Variants in NRXN3 observed in about 807,000 individuals in gnomAD.
The protein encoded by NRXN3 is neurexin III.
Under a neutral mutation model 137.6 loss-of-function variants are expected in NRXN3, and 32 were observed. The observed-to-expected ratio is 0.23, with a 90% CI of 0.18 to 0.31. The LOEUF (loss-of-function observed/expected upper bound fraction) is 0.31, where lower values mean the gene tolerates loss of function less well. NRXN3 is among the 10% of genes least tolerant of loss of function. NRXN3 has a pLI of 1.00. For missense variants in NRXN3, 1,574 were observed against 2,062.5 expected, an observed-to-expected ratio of 0.76 and a Z score of 4.59; for synonymous variants, 798 against 784.5, an observed-to-expected ratio of 1.02 and a Z score of -0.29.
At chr14:78,438,082 T>G (rs1458423237) in intron 4 of NRXN3, among the ~76,000 whole-genome samples, 1 of 152,104 alleles carries the variant, frequency 6.6e-6, no homozygotes, top group Non-Finnish European at 1.5e-5. Context: ...GGACAGATTC[T>G]TTGGATGTTT....
At chr14:78,678,205 A>G (rs905374827) in intron 6 of NRXN3, among the ~76,000 whole-genome samples, 4 of 152,134 alleles carry the variant, frequency 2.6e-5, no homozygotes, top group Admixed American at 6.5e-5. Context: ...AAATGGTATC[A>G]TACTGTGCAT....
rs143780927 is a variant in NRXN3 at position 79,736,648 on chromosome 14, C to T, written c.4014+38711C>T. The stretch of plus-strand genomic sequence containing the variant: ...AGAAAGTGGGACCAGGGGGCCATCG[C>T]GAGTGTGGAGGCTGTGAAGGCCCCA... On this transcript the variant is annotated intron_variant, in intron 19 of 20. Coordinates refer to ENST00000335750, the MANE Select transcript of NRXN3 (RefSeq NM_001330195.2). Among the ~76,000 whole-genome samples the T allele has an allele frequency of 1.4e-3, 212 of 152,230 alleles. 1 individual carries two copies. Among genetic ancestry groups the T allele is most frequent in the African/African-American group, 4.8e-3 (201 of 41,558 alleles).
intron 4 of NRXN3, among the ~76,000 whole-genome samples, chr14:78,419,742 A>G (rs1001542858): frequency 2.0e-5 from 3 of 152,142 alleles, no homozygotes; most frequent in African/African-American, 7.2e-5. Context: ...AACAAAGGGA[A>G]TAGTTCTAGA....
chr14:79,446,473 T>C (rs544753306), intron 15 of NRXN3, among the ~76,000 whole-genome samples: 4 of 152,322 alleles, frequency 2.6e-5, no homozygotes, highest in Admixed American at 2.6e-4. Context: ...GTTCTATGTA[T>C]TCATTCTTTT....
intron 10 of NRXN3, among the ~76,000 whole-genome samples, chr14:78,876,752 A>G (rs1596811248): frequency 6.6e-6 from 1 of 152,202 alleles, no homozygotes; most frequent in East Asian, 1.9e-4. Context: ...TCATATGTAC[A>G]GATAGGTTCC....
At chr14:78,547,200 CT>C (rs1211307891) in intron 4 of NRXN3, among the ~76,000 whole-genome samples, 9 of 125,624 alleles carry the variant, frequency 7.2e-5, no homozygotes, top group Non-Finnish European at 6.7e-5. Flanking sequence ...TGTCATTGCT[CT>C]TTTTTTTTCA....
intron 1 of NRXN3, among the ~76,000 whole-genome samples, chr14:78,199,750 C>T (rs2061517231): frequency 6.6e-6 from 1 of 152,180 alleles, no homozygotes; most frequent in Non-Finnish European, 1.5e-5. Flanking sequence ...AACCAGTCTC[C>T]CAGGAGGTTT....
chr14:79,502,423 A>C (rs2096834298), intron 16 of NRXN3, among the ~76,000 whole-genome samples: 1 of 152,064 alleles, frequency 6.6e-6, no homozygotes, highest in South Asian at 2.1e-4. Context: ...GGTTCTGAGA[A>C]TAGTTAACAG....
At chr14:79,835,897 G>A (rs1453332410) in intron 20 of NRXN3, among the ~76,000 whole-genome samples, 1 of 152,098 alleles carries the variant, frequency 6.6e-6, no homozygotes, top group East Asian at 1.9e-4. Context: ...GTGACAGCAG[G>A]GGAACAGCAC....
intron 4 of NRXN3, among the ~76,000 whole-genome samples, chr14:78,596,433 C>G (rs1471486203): frequency 6.6e-6 from 1 of 152,168 alleles, no homozygotes; most frequent in South Asian, 2.1e-4. Context: ...GCTTCCCCAT[C>G]TGTAAAATGG....
intron 4 of NRXN3, among the ~76,000 whole-genome samples, chr14:78,521,595 G>A (rs545997644): frequency 2.6e-5 from 4 of 152,168 alleles, no homozygotes; most frequent in African/African-American, 9.6e-5. Flanking sequence ...TAATTATTTT[G>A]GGGGATGGAT....
At chr14:79,849,623 G>A (rs1468831694) in intron 20 of NRXN3, among the ~76,000 whole-genome samples, 1 of 152,194 alleles carries the variant, frequency 6.6e-6, no homozygotes, top group Non-Finnish European at 1.5e-5. Context: ...CGATGAGAGT[G>A]TGGAGAAAAG....
intron 4 of NRXN3, among the ~76,000 whole-genome samples, chr14:78,470,137 T>C (rs1304087802): frequency 6.6e-6 from 1 of 152,214 alleles, no homozygotes; most frequent in Admixed American, 6.5e-5. Context: ...GCCTCATCTA[T>C]TTTGGAGAAA....
intron 4 of NRXN3, among the ~76,000 whole-genome samples, chr14:78,565,123 T>C (rs542454858): frequency 1.3e-5 from 2 of 152,228 alleles, no homozygotes; most frequent in African/African-American, 2.4e-5. Context: ...GATTCTAAGA[T>C]AGTTCCTTGA....
chr14:78,832,186 G>T (rs1596320244), intron 10 of NRXN3, among the ~76,000 whole-genome samples: 1 of 152,038 alleles, frequency 6.6e-6, no homozygotes, highest in Non-Finnish European at 1.5e-5. Context: ...AATCAAAAAT[G>T]GTTGTCAAGT....
intron 15 of NRXN3, among the ~76,000 whole-genome samples, chr14:79,412,782 CAAAAAAAAA>C (rs71103803): frequency 3.0e-4 from 18 of 59,738 alleles, no homozygotes; most frequent in Non-Finnish European, 4.4e-4. Flanking sequence ...GACTCTGTCT[CAAAAAAAAA>C]AAAAAAAAAA....
intron 15 of NRXN3, among the ~76,000 whole-genome samples, chr14:79,119,684 C>T (rs530555635): frequency 1.3e-5 from 2 of 152,254 alleles, no homozygotes; most frequent in South Asian, 4.1e-4. Flanking sequence ...CCCCATTTCA[C>T]TAGGTTATTA....
intron 10 of NRXN3, among the ~76,000 whole-genome samples, chr14:78,817,368 A>G (rs1386967318): frequency 6.6e-6 from 1 of 152,214 alleles, no homozygotes; most frequent in African/African-American, 2.4e-5. Context: ...AGTGGTTTCC[A>G]AAAGAGAGTA....
intron 10 of NRXN3, among the ~76,000 whole-genome samples, chr14:78,849,995 G>A (rs1283561130): frequency 6.6e-6 from 1 of 152,168 alleles, no homozygotes; most frequent in African/African-American, 2.4e-5. Context: ...CACATATGGA[G>A]AAGGGATATA....
Sources: gnomAD v4.1 joint callset for allele counts (sites outside exome capture counted in the v4.1 genomes callset) on GRCh38, gnomAD v4.1.1 for gene constraint, MANE v1.5 for transcripts, NCBI Gene and HGNC (gene_info 2026-07-23, HGNC 2026-07-21) for gene names.